BCR: variants seen among roughly 807,000 people sequenced by gnomAD.
BCR encodes BCR activator of RhoGEF and GTPase.
In BCR, 58 loss-of-function variants were observed where a neutral mutation model predicts 138.6. The ratio of observed to expected loss-of-function variants is 0.42; its 90% confidence interval spans 0.34 to 0.52. BCR has a LOEUF of 0.52. BCR is among the 20% of genes least tolerant of loss of function. BCR has a pLI of 0.06. For missense variants in BCR, 1,599 were observed against 1,727.2 expected (o/e 0.93, Z 1.32); for synonymous variants, 786 against 730.1 (o/e 1.08, Z -1.23).
intron 1 of BCR, among the ~76,000 whole-genome samples, chr22:23,220,612 C>A (rs1364148426): frequency 6.6e-6 from 1 of 152,194 alleles, no homozygotes; most frequent in Non-Finnish European, 1.5e-5. Flanking sequence ...CTTGCAAGCT[C>A]AGCTCACTTC....
Position 23,241,332 on chromosome 22 carries a change from C to T in BCR, c.1280-12467C>T, listed in dbSNP as rs144171023. Among the ~76,000 whole-genome samples the T allele has an allele frequency of 1.2e-4, 18 of 152,190 alleles. No individual in the cohort carries two copies. In the East Asian group the frequency reaches 2.7e-3, roughly 23 times the overall value. ...GGGGGAAGTCCCTCTTCCTGCCATT[C>T]CCCCCCGACCAACCCTCTGTATTTC... On this transcript the variant is annotated intron_variant, in intron 1 of 22. Transcript: ENST00000305877.
At chr22:23,256,164 A>T (rs142337534) in intron 2 of BCR, among the ~76,000 whole-genome samples, 63 of 152,312 alleles carry the variant, frequency 4.1e-4, no homozygotes, top group Admixed American at 8.5e-4. Context: ...CCCAGGGAGC[A>T]TGGTGATCTT....
chr22:23,263,049 G>A (rs2073386721), intron 4 of BCR: 3 of 769,954 alleles, frequency 3.9e-6, no homozygotes, highest in South Asian at 2.0e-5. Flanking sequence ...GAGGGTCAGG[G>A]CTAGGCGGCG....
rs931203119 is a variant in BCR at position 23,214,809 on chromosome 22, T to C, written c.1279+32570T>C. On this transcript the variant is annotated intron_variant, in intron 1 of 22. Coordinates refer to ENST00000305877, the MANE Select transcript of BCR (RefSeq NM_004327.4). Reference sequence around the variant, plus strand: ...TTGTTTTTACTTTTTCTTTTTAAATTATGATGAACTATACATAATGTAAAA... The same window carrying C: ...TTGTTTTTACTTTTTCTTTTTAAATCATGATGAACTATACATAATGTAAAA... Among the ~76,000 whole-genome samples the C allele has an allele frequency of 6.6e-5, 10 of 152,204 alleles. No homozygotes were observed. The East Asian group carries it at 1.9e-3, about 29-fold the overall frequency.
At chr22:23,303,028 C>G (rs568408420) in intron 16 of BCR, among the ~76,000 whole-genome samples, 8 of 114,866 alleles carry the variant, frequency 7.0e-5, no homozygotes, top group African/African-American at 2.2e-4. Flanking sequence ...GCTGCATGGC[C>G]CCCCCCACCC....
intron 4 of BCR, chr22:23,263,203 G>A (rs1375113486): frequency 1.4e-5 from 13 of 921,468 alleles, no homozygotes; most frequent in Non-Finnish European, 2.1e-5. Context: ...CCGGCTGCGG[G>A]GCCAGCGCTC....
chr22:23,278,553 C>G (rs949214452), intron 8 of BCR, among the ~76,000 whole-genome samples: 5 of 152,098 alleles, frequency 3.3e-5, no homozygotes, highest in African/African-American at 1.2e-4. Flanking sequence ...ATGGTGAAAC[C>G]CCGTCTCCAC....
At chr22:23,215,961 T>C (rs953241746) in intron 1 of BCR, among the ~76,000 whole-genome samples, 7 of 152,216 alleles carry the variant, frequency 4.6e-5, no homozygotes, top group Admixed American at 2.0e-4. Flanking sequence ...CCACGTTCCC[T>C]TTAATTTTGC....
chr22:23,284,268 CGT>C (rs2073683910), intron 9 of BCR, among the ~76,000 whole-genome samples, 170 bp downstream of exon 9: 6 of 151,954 alleles, frequency 3.9e-5, no homozygotes, highest in Non-Finnish European at 8.8e-5. Flanking sequence ...AATCTGGAGA[CGT>C]CATGGGGCAT....
intron 1 of BCR, among the ~76,000 whole-genome samples, chr22:23,235,957 T>A (rs2073018430): frequency 6.6e-6 from 1 of 152,216 alleles, no homozygotes; most frequent in African/African-American, 2.4e-5. Context: ...GGGGGTTAGA[T>A]TTCAACATAG....
At chr22:23,191,409 A>G (rs146695044) in intron 1 of BCR, among the ~76,000 whole-genome samples, 3 of 152,274 alleles carry the variant, frequency 2.0e-5, no homozygotes, top group African/African-American at 7.2e-5. Context: ...TTCCTTATTC[A>G]TTGATTTATG....
chr22:23,205,219 A>T (rs1189534756), intron 1 of BCR, among the ~76,000 whole-genome samples: 4 of 152,002 alleles, frequency 2.6e-5, no homozygotes, highest in African/African-American at 4.8e-5. Context: ...GGTGCTGGAG[A>T]TGGGCTGGTC....
At chr22:23,218,080 G>A (rs116617452) in intron 1 of BCR, among the ~76,000 whole-genome samples, 25 of 152,194 alleles carry the variant, frequency 1.6e-4, no homozygotes, top group Non-Finnish European at 3.2e-4. Context: ...TTCCCCTGTC[G>A]CATTGGCATC....
intron 1 of BCR, among the ~76,000 whole-genome samples, chr22:23,225,006 A>C (rs2072872279): frequency 6.6e-6 from 1 of 151,654 alleles, no homozygotes; most frequent in African/African-American, 2.4e-5. Context: ...AGCCACCGAG[A>C]CCCGGCATTT....
At chr22:23,242,685 C>T (rs1415444896) in intron 1 of BCR, 3 of 273,264 alleles carry the variant, frequency 1.1e-5, no homozygotes, top group Non-Finnish European at 2.2e-5. Flanking sequence ...CAGCCCTCTC[C>T]TGGGGGCTGG....
intron 1 of BCR, among the ~76,000 whole-genome samples, chr22:23,206,050 T>C (rs904950488): frequency 3.9e-5 from 6 of 152,206 alleles, no homozygotes; most frequent in Admixed American, 3.9e-4. Flanking sequence ...ATGAGGATTC[T>C]TTCCTCAGAG....
chr22:23,298,116 A>ACC (rs2073865772), intron 16 of BCR, among the ~76,000 whole-genome samples: 1 of 152,200 alleles, frequency 6.6e-6, no homozygotes, highest in Admixed American at 6.5e-5. Flanking sequence ...CTCAATGCTG[A>ACC]AGTCACTTGG....
chr22:23,297,206 TGTTTTTTGTTTTTTG>T (rs796497016), intron 16 of BCR, among the ~76,000 whole-genome samples: 15 of 137,200 alleles, frequency 1.1e-4, no homozygotes, highest in African/African-American at 2.8e-4. Flanking sequence ...CTGGCTAAGT[TGTTTTTTGTTTTTTG>T]TTTTTTTTTT....
intron 4 of BCR, chr22:23,263,022 T>C (rs1012066516): frequency 2.6e-5 from 20 of 772,942 alleles, no homozygotes; most frequent in Non-Finnish European, 3.8e-5. Context: ...AGGAAGAAAG[T>C]ATGGGAAGGA....
Sources: gnomAD v4.1 joint callset for allele counts (sites outside exome capture counted in the v4.1 genomes callset) on GRCh38, gnomAD v4.1.1 for gene constraint, MANE v1.5 for transcripts, NCBI Gene and HGNC (gene_info 2026-07-23, HGNC 2026-07-21) for gene names.